Variants in PAIP2B observed in about 807,000 individuals in gnomAD.
The protein encoded by PAIP2B is polyadenylate-binding protein-interacting protein 2B.
Under a neutral mutation model 17.0 loss-of-function variants are expected in PAIP2B, and 13 were observed. The ratio of observed to expected loss-of-function variants is 0.76; its 90% CI spans 0.50 to 1.22. The LOEUF (loss-of-function observed/expected upper bound fraction) is 1.22, where lower values mean the gene tolerates loss of function less well. PAIP2B is among the 50% of genes most tolerant of loss of function. The pLI is 0.00. For missense variants in PAIP2B, 117 were observed against 144.5 expected (o/e 0.81, Z 0.98); for synonymous variants, 43 against 48.7 (o/e 0.88, Z 0.48).
chr2:71,220,340 G>C (rs187312974), intron 1 of PAIP2B, among the ~76,000 whole-genome samples: 1 of 152,150 alleles, frequency 6.6e-6, no homozygotes, highest in African/African-American at 2.4e-5. Flanking sequence ...GGGATAAACA[G>C]AACAGCTAGG....
intron 2 of PAIP2B, among the ~76,000 whole-genome samples, chr2:71,199,838 C>A (rs1400447333): frequency 6.6e-6 from 1 of 152,146 alleles, no homozygotes; most frequent in African/African-American, 2.4e-5. Flanking sequence ...CCAGCCTGGG[C>A]AACATAGCAA....
chr2:71,225,074 G>T (rs1675685613), intron 1 of PAIP2B, among the ~76,000 whole-genome samples: 1 of 152,162 alleles, frequency 6.6e-6, no homozygotes, highest in Admixed American at 6.5e-5. Flanking sequence ...TTGATTGACT[G>T]AGATGGGGTC....
intron 3 of PAIP2B, among the ~76,000 whole-genome samples, chr2:71,189,450 C>G (rs1558770940): frequency 6.6e-6 from 1 of 152,174 alleles, no homozygotes. Flanking sequence ...ATAACAGAAT[C>G]ATTTAGAAGT....
At chr2:71,218,939 G>A (rs1191524362) in intron 1 of PAIP2B, among the ~76,000 whole-genome samples, 6 of 142,774 alleles carry the variant, frequency 4.2e-5, no homozygotes, top group Admixed American at 7.1e-5. Flanking sequence ...TTTTTGAGAT[G>A]GAGTCTCACT....
chr2:71,218,246 TA>T (rs1197416927), intron 1 of PAIP2B, among the ~76,000 whole-genome samples: 3 of 151,956 alleles, frequency 2.0e-5, no homozygotes, highest in Non-Finnish European at 4.4e-5. Flanking sequence ...CAATGACAGA[TA>T]AAAGGTTTGT....
At chr2:71,221,681 G>C (rs149405610) in intron 1 of PAIP2B, among the ~76,000 whole-genome samples, 8 of 152,266 alleles carry the variant, frequency 5.3e-5, no homozygotes, top group African/African-American at 1.9e-4. Context: ...TGAAACTCTA[G>C]AACTGTTATA....
chr2:71,211,457 A>G (rs545706337), intron 1 of PAIP2B, among the ~76,000 whole-genome samples: 13 of 152,322 alleles, frequency 8.5e-5, no homozygotes, highest in Admixed American at 8.5e-4. Context: ...ATTCCGATAT[A>G]TAGAAAGACT....
chr2:71,205,285 T>C (rs1274900338), intron 1 of PAIP2B, among the ~76,000 whole-genome samples: 1 of 152,244 alleles, frequency 6.6e-6, no homozygotes, highest in Admixed American at 6.5e-5. Flanking sequence ...GATTTGTATT[T>C]TGTACTATTC....
intron 2 of PAIP2B, among the ~76,000 whole-genome samples, chr2:71,190,755 A>C (rs1163419930): frequency 6.6e-6 from 1 of 152,252 alleles, no homozygotes; most frequent in African/African-American, 2.4e-5. Context: ...TACTGCAAGT[A>C]TATAACTAGT....
At chr2:71,190,837 A>G (rs564137751) in intron 2 of PAIP2B, among the ~76,000 whole-genome samples, 1 of 152,342 alleles carries the variant, frequency 6.6e-6, no homozygotes, top group East Asian at 1.9e-4. Context: ...GGGTAAGGAA[A>G]CCCTCAAGGG....
chr2:71,203,474 G>C (rs1675038751), intron 1 of PAIP2B, among the ~76,000 whole-genome samples: 6 of 152,046 alleles, frequency 3.9e-5, no homozygotes, highest in Admixed American at 3.9e-4. Flanking sequence ...CCCACCAGTG[G>C]TGTGGAAGTG....
chr2:71,206,748 A>G (rs367992019), intron 1 of PAIP2B, among the ~76,000 whole-genome samples: 1 of 152,348 alleles, frequency 6.6e-6, no homozygotes, highest in East Asian at 1.9e-4. Flanking sequence ...CAATGTGCCT[A>G]TGATAACAGT....
In PAIP2B at chr2:71,202,451, C is replaced by G; in HGVS notation, c.138+1G>C. The G allele has an allele frequency of 6.2e-7, 1 of 1,611,798 alleles. No homozygotes were observed. Among genetic ancestry groups the G allele is most frequent in the Non-Finnish European group, 8.5e-7 (1 of 1,179,272 alleles). ...TTCCACTTTTCCAGTTCTTTCTTTA[C>G]CTGTCTGTTGAAATCCTCTTCATTC... On this transcript the variant is annotated splice_donor_variant, in intron 2 of 3. Coordinates refer to ENST00000244221, the MANE Select transcript of PAIP2B (RefSeq NM_020459.1). LOFTEE classifies it high-confidence loss of function.
intron 2 of PAIP2B, among the ~76,000 whole-genome samples, chr2:71,194,876 ACT>A (rs1051384761): frequency 3.3e-5 from 5 of 151,858 alleles, no homozygotes; most frequent in African/African-American, 1.2e-4. Flanking sequence ...GTCATAGATG[ACT>A]CTTATTATTT....
chr2:71,212,035 G>T (rs10514625), intron 1 of PAIP2B, among the ~76,000 whole-genome samples: 20,224 of 152,124 alleles, frequency 0.13, 1,495 homozygotes, highest in South Asian at 0.3. Flanking sequence ...GCTCCAAAAA[G>T]ATATAGACTA....
intron 1 of PAIP2B, among the ~76,000 whole-genome samples, chr2:71,209,634 C>T (rs550123053): frequency 1.3e-5 from 2 of 152,132 alleles, no homozygotes; most frequent in African/African-American, 2.4e-5. Context: ...CTTATACCCC[C>T]CAAGTGTAAG....
At chr2:71,193,766 A>G (rs1325090743) in intron 2 of PAIP2B, among the ~76,000 whole-genome samples, 1 of 152,098 alleles carries the variant, frequency 6.6e-6, no homozygotes, top group African/African-American at 2.4e-5. Context: ...AGGCAGGAGA[A>G]TGGCGAGAAT....
At position 71,202,508 on chromosome 2, in the gene PAIP2B, C is replaced by G. The variant is rs1169954038; in HGVS notation, c.82G>C (p.Glu28Gln). 3.1e-6 allele frequency: 5 copies of G among 1,613,936 alleles called. No homozygotes were observed. The Admixed American group carries it at 8.3e-5, about 27-fold the overall frequency. ...DQGLSGHDEK[E>Q]NPFAEYMWME... is the part of the protein sequence containing the mutation. ...CACATGTACTCTGCAAATGGGTTTT[C>G]CTTTTCATCGTGCCCACTTAACCCC... The change falls in exon 2 of 4, where the codon GAA (glutamate) becomes CAA (glutamine). Residue 28 changes from glutamate to glutamine, a missense_variant. Physicochemically the swap from Glu to Gln is conservative, Grantham distance 29. Coordinates refer to ENST00000244221, the MANE Select transcript of PAIP2B (RefSeq NM_020459.1).
chr2:71,219,756 T>C (rs773286279), intron 1 of PAIP2B, among the ~76,000 whole-genome samples: 13 of 152,112 alleles, frequency 8.5e-5, no homozygotes, highest in Non-Finnish European at 1.9e-4. Context: ...AATATAACTA[T>C]CTATAAATGT....
Sources: gnomAD v4.1 joint callset for allele counts (sites outside exome capture counted in the v4.1 genomes callset) on GRCh38, gnomAD v4.1.1 for gene constraint, MANE v1.5 for transcripts, NCBI Gene and HGNC (gene_info 2026-07-23, HGNC 2026-07-21) for gene names.